SPEF2: variants seen among roughly 807,000 people sequenced by gnomAD.
SPEF2 encodes sperm flagella and cilia-associated protein 2.
In SPEF2, 187 loss-of-function variants were observed where a neutral mutation model predicts 224.6. That is an observed-to-expected ratio of 0.83 (90% CI 0.74 to 0.94). SPEF2 has a LOEUF of 0.94. SPEF2 is among the 40% of genes least tolerant of loss of function. SPEF2 has a pLI of 0.00. For missense variants in SPEF2, 2,170 were observed against 2,135.6 expected (o/e 1.02, Z -0.32); for synonymous variants, 715 against 707.3 (o/e 1.01, Z -0.17).
intron 24 of SPEF2, among the ~76,000 whole-genome samples, chr5:35,756,487 C>T (rs899176279): frequency 7.9e-5 from 12 of 152,122 alleles, no homozygotes; most frequent in Non-Finnish European, 1.0e-4. Flanking sequence ...GAGGAGGTTT[C>T]GGTTCAATAT....
intron 10 of SPEF2, among the ~76,000 whole-genome samples, chr5:35,681,834 T>C (rs999331318): frequency 3.3e-5 from 5 of 152,112 alleles, no homozygotes; most frequent in Admixed American, 3.3e-4. Flanking sequence ...GTCCAAGTGG[T>C]AATTGTGCTC....
At chr5:35,705,405 C>T (rs543710929) in intron 17 of SPEF2, among the ~76,000 whole-genome samples, 13 of 152,070 alleles carry the variant, frequency 8.5e-5, no homozygotes, top group Admixed American at 5.9e-4. Context: ...GAGACCTGTA[C>T]TCCTACTAAA....
rs753989590 is a variant in SPEF2 at position 35,641,600 on chromosome 5, G to A, written c.331G>A (p.Gly111Arg). The change falls in exon 3 of 37, where the codon GGA (glycine) becomes AGA (arginine). Residue 111 changes from glycine to arginine, a missense_variant. Physicochemically the swap from Gly to Arg is moderately radical, Grantham distance 125. Transcript: ENST00000356031. ...TGCTCTTCAGAAAAAGAAGAAAAGT[G>A]GACTGACTGGAGTGGAGATGCAAAC... ...YIALQKKKKS[G>R]LTGVEMQTMQ... 4.3e-6 allele frequency: 7 copies of A among 1,613,644 alleles called. No individual in the cohort carries two copies. The African/African-American group carries it at 5.3e-5, about 12-fold the overall frequency.
intron 36 of SPEF2, chr5:35,807,793 A>G: frequency 6.5e-7 from 1 of 1,535,510 alleles, no homozygotes; most frequent in Non-Finnish European, 8.7e-7. Context: ...CAACTCAGAA[A>G]TCACATAACC....
intron 20 of SPEF2, among the ~76,000 whole-genome samples, chr5:35,720,821 C>G (rs1043001296): frequency 2.0e-5 from 3 of 152,150 alleles, no homozygotes; most frequent in Non-Finnish European, 4.4e-5. Flanking sequence ...CTTTTCTGGA[C>G]ACTTCAGGGG....
At chr5:35,725,397 G>T (rs1206715899) in intron 20 of SPEF2, among the ~76,000 whole-genome samples, 2 of 152,086 alleles carry the variant, frequency 1.3e-5, no homozygotes, top group East Asian at 3.9e-4. Context: ...GCAACAGAAA[G>T]GTAAAAATAA....
intron 20 of SPEF2, among the ~76,000 whole-genome samples, chr5:35,717,666 T>C (rs1742838456): frequency 6.6e-6 from 1 of 152,078 alleles, no homozygotes; most frequent in South Asian, 2.1e-4. Context: ...ACTAGAGCCC[T>C]TCCTGCCTGG....
chr5:35,679,196 T>A (rs1233591072), intron 10 of SPEF2, among the ~76,000 whole-genome samples: 1 of 152,216 alleles, frequency 6.6e-6, no homozygotes, highest in East Asian at 1.9e-4. Context: ...TGTAGTATTT[T>A]ATTCCCTCTG....
intron 19 of SPEF2, chr5:35,709,736 G>A (rs1226065373): frequency 4.1e-6 from 4 of 985,204 alleles, no homozygotes; most frequent in Non-Finnish European, 4.8e-6. Flanking sequence ...CATAAGTCTA[G>A]CATTAAGTGG....
At chr5:35,742,376 GT>G (rs1218906953) in intron 23 of SPEF2, among the ~76,000 whole-genome samples, 1 of 151,864 alleles carries the variant, frequency 6.6e-6, no homozygotes, top group Non-Finnish European at 1.5e-5. Context: ...TATTTTTAAG[GT>G]TTTTAAAATA....
intron 36 of SPEF2, among the ~76,000 whole-genome samples, chr5:35,811,238 A>G (rs1286879806): frequency 6.6e-6 from 1 of 152,124 alleles, no homozygotes; most frequent in African/African-American, 2.4e-5. Flanking sequence ...ACATTTTTAT[A>G]ATACACTTCA....
intron 21 of SPEF2, 82 bp from the exon 22 acceptor site, chr5:35,739,837 G>A: frequency 6.5e-7 from 1 of 1,530,350 alleles, no homozygotes; most frequent in South Asian, 1.3e-5. Flanking sequence ...TGACCTTTTT[G>A]CTTGGGACTG....
intron 5 of SPEF2, among the ~76,000 whole-genome samples, chr5:35,649,114 G>A (rs1406218666): frequency 6.6e-6 from 1 of 151,958 alleles, no homozygotes; most frequent in Admixed American, 6.6e-5. Context: ...ATGCCCTTTG[G>A]TGCCCTGTCA....
intron 35 of SPEF2, 26 bp from the exon 36 acceptor site, chr5:35,807,104 TA>T: frequency 3.8e-6 from 6 of 1,597,770 alleles, no homozygotes; most frequent in African/African-American, 1.4e-5. Flanking sequence ...TGAGGTTGAT[TA>T]ACTTCATTTT....
chr5:35,717,892 G>A (rs935565753), intron 20 of SPEF2, among the ~76,000 whole-genome samples: 9 of 152,134 alleles, frequency 5.9e-5, no homozygotes, highest in Admixed American at 5.2e-4. Context: ...CGATCTTAAC[G>A]CTTCCTGCTG....
At chr5:35,770,870 G>A (rs1752736734) in intron 26 of SPEF2, among the ~76,000 whole-genome samples, 1 of 144,882 alleles carries the variant, frequency 6.9e-6, no homozygotes, top group Admixed American at 6.8e-5. Flanking sequence ...GTGGAATGGA[G>A]AGAAGCTGAA....
intron 16 of SPEF2, among the ~76,000 whole-genome samples, chr5:35,704,296 A>G (rs1261820592): frequency 2.6e-5 from 4 of 152,088 alleles, no homozygotes; most frequent in Non-Finnish European, 5.9e-5. Context: ...ATTCTCATCT[A>G]TCATAGACAA....
At chr5:35,700,989 C>G (rs1220991336) in intron 16 of SPEF2, among the ~76,000 whole-genome samples, 1 of 152,180 alleles carries the variant, frequency 6.6e-6, no homozygotes, top group Non-Finnish European at 1.5e-5. Context: ...CTGAACCTTT[C>G]CATCAACTTG....
intron 10 of SPEF2, among the ~76,000 whole-genome samples, chr5:35,683,650 G>A (rs1178504800): frequency 6.6e-6 from 1 of 152,172 alleles, no homozygotes; most frequent in African/African-American, 2.4e-5. Flanking sequence ...GCAAAAACCA[G>A]TGCTAGTGAA....
Sources: allele counts gnomAD v4.1 joint callset (sites outside exome capture counted in the v4.1 genomes callset), GRCh38; gene constraint gnomAD v4.1.1; transcripts MANE v1.5; gene names NCBI Gene and HGNC (gene_info 2026-07-23, HGNC 2026-07-21).